Variants in UBA7 observed in about 807,000 individuals in gnomAD.
UBA7 encodes ubiquitin-like modifier-activating enzyme 7.
In UBA7, 88 loss-of-function variants were observed where a neutral mutation model predicts 113.0. The ratio of observed to expected loss-of-function variants is 0.78; its 90% CI spans 0.66 to 0.93. UBA7 has a LOEUF of 0.93. UBA7 is among the 40% of genes least tolerant of loss of function. UBA7 has a pLI of 0.00. For missense variants in UBA7, 1,092 were observed against 1,266.4 expected (o/e 0.86, Z 2.09); for synonymous variants, 459 against 513.0 (o/e 0.89, Z 1.42).
In UBA7 at chr3:49,813,342, C is replaced by G. The variant is rs2081580256; in HGVS notation, c.267G>C (p.Glu89Asp). The change falls in exon 3 of 24, where the codon GAG (glutamate) becomes GAC (aspartate). Residue 89 changes from glutamate (E) to aspartate (D), a missense_variant. Physicochemically the swap from Glu to Asp is conservative, Grantham distance 45. Transcript: ENST00000333486. ...GCTGAGCCAAGAGCTCTTGAGAGGC[C>G]TCGGCTCTGCTCCTTTCCAAGTCCT... is the stretch of plus-strand genomic sequence containing the variant. Reference protein sequence around the residue: ...SEQDLERSRAEASQELLAQLN... With the variant: ...SEQDLERSRADASQELLAQLN... 6.2e-7 allele frequency: 1 copy of G among 1,614,166 alleles called. No homozygotes were observed. Among genetic ancestry groups the G allele is most frequent in the African/African-American group, 1.3e-5 (1 of 75,076 alleles).
In UBA7 at chr3:49,808,082, C is replaced by T. The variant is rs1271306292; in HGVS notation, c.2461G>A (p.Val821Met). Reference sequence around the variant, plus strand: ...CATCTCAGGCTAGCTGCCGCTACCACAAAGTCCACATGGAAGTTGCTGTCA... The same window carrying T: ...CATCTCAGGCTAGCTGCCGCTACCATAAAGTCCACATGGAAGTTGCTGTCA... The part of the protein sequence containing the change: ...DDDSNFHVDF[V>M]VAAASLRCQN... The change falls in exon 20 of 24, where the codon GTG (valine) becomes ATG (methionine). Residue 821 changes from valine to methionine, a missense_variant. Transcript: ENST00000333486. The T allele has an allele frequency of 6.2e-7, 1 of 1,614,156 alleles. No homozygotes were observed. The highest frequency in any genetic ancestry group is 1.1e-5 in the South Asian group (1 of 91,066).
chr3:49,808,316 A>T, intron 19 of UBA7, 70 bp downstream of exon 19: 1 of 1,596,956 alleles, frequency 6.3e-7, no homozygotes. Context: ...CTCCAAAACT[A>T]CCTTATTAGC....
chr3:49,812,297 C>G (rs1297688664), intron 6 of UBA7, 91 bp from the exon 7 acceptor site: 2 of 1,610,082 alleles, frequency 1.2e-6, no homozygotes, highest in Non-Finnish European at 1.7e-6. Context: ...CCAGACCTTG[C>G]TGCACCTTGT....
chr3:49,809,287 C>A, intron 17 of UBA7, 103 bp downstream of exon 17: 1 of 1,539,624 alleles, frequency 6.5e-7, no homozygotes, highest in Non-Finnish European at 8.8e-7. Context: ...ACAAGCATGG[C>A]TCTCTCTGGG....
chr3:49,809,813 A>G lies in UBA7; in HGVS notation c.1904+2T>C. The G allele has an allele frequency of 6.2e-7, 1 of 1,614,048 alleles. No homozygotes were observed. Among genetic ancestry groups the G allele is most frequent in the Non-Finnish European group, 8.5e-7 (1 of 1,180,006 alleles). On this transcript the variant is annotated splice_donor_variant, in intron 15 of 23. Transcript: ENST00000333486. LOFTEE classifies it high-confidence loss of function. ...CCCATCTGCCTCTGTTGGTGGCCTT[A>G]CTGTTGGTGGTGGTTGATGGTCTCT...
intron 8 of UBA7, 73 bp from the exon 9 acceptor site, chr3:49,811,528 C>T (rs978448823): frequency 7.2e-6 from 11 of 1,530,190 alleles, no homozygotes; most frequent in South Asian, 1.2e-5. Flanking sequence ...TTCCAGCCAC[C>T]CTCCATCCAC....
In UBA7 at chr3:49,807,487, G is replaced by T. The variant is rs565915924; in HGVS notation, c.2715+249C>A. Reference sequence around the variant, plus strand: ...GTGGGGGATGTCTGGCTCCACTAATGAGTTAAAGCTGCAGCTCCCCCAGAT... The same window carrying T: ...GTGGGGGATGTCTGGCTCCACTAATTAGTTAAAGCTGCAGCTCCCCCAGAT... On this transcript the variant is annotated intron_variant, in intron 21 of 23. Transcript: ENST00000333486. This position sits in a 1 kb window ranked among gnomAD's most constrained non-coding sequence, Gnocchi z 4.0. Among the ~76,000 whole-genome samples, 1 of 152,336 alleles carries T rather than the reference G, an allele frequency of 6.6e-6. No individual in the cohort carries two copies. Among genetic ancestry groups the T allele is most frequent in the Non-Finnish European group, 1.5e-5 (1 of 68,032 alleles).
chr3:49,812,581 C>A, intron 5 of UBA7, 38 bp from the exon 6 acceptor site: 1 of 1,614,134 alleles, frequency 6.2e-7, no homozygotes, highest in Middle Eastern at 1.6e-4. Flanking sequence ...TTGCCTGGAC[C>A]TGCCTTCCAC....
At position 49,806,015 on chromosome 3, in the gene UBA7, G is replaced by GA; in HGVS notation, c.2809-19dup. ...TGCTGCTCCTAGAGGAGAAAGGTCA[G>GA]ACACCAGCTGGGCCGGGCTGGGCTG... is the stretch of plus-strand genomic sequence containing the variant. On this transcript the variant is annotated intron_variant, in intron 22 of 23. Transcript: ENST00000333486. 6.4e-7 allele frequency: 1 copy of GA among 1,567,016 alleles called. No homozygotes were observed. The highest frequency in any genetic ancestry group is 8.7e-7 in the Non-Finnish European group (1 of 1,155,726).
chr3:49,805,517 T>G, intron 23 of UBA7, 80 bp from the exon 24 acceptor site: 1 of 1,397,486 alleles, frequency 7.2e-7, no homozygotes, highest in Non-Finnish European at 1.0e-6. Flanking sequence ...CTAGAGAGGG[T>G]GCTGGCAGGC....
rs2081499037 is a variant in UBA7 at position 49,809,034 on chromosome 3, T to C, written c.2289A>G (p.Gln763=). The C allele has an allele frequency of 6.2e-7, 1 of 1,613,748 alleles. No homozygotes were observed. Among genetic ancestry groups the C allele is most frequent in the Admixed American group, 1.7e-5 (1 of 59,974 alleles). The change falls in exon 18 of 24, where the codon CAA becomes CAG. Residue 763 remains glutamine (Q), a synonymous_variant. Transcript: ENST00000333486. Reference sequence around the variant, plus strand: ...TACTAGCAAAGATGGGGGCCATCTGTTGGGGGTCAGGCTGTGGCAGCAGCT... The same window carrying C: ...TACTAGCAAAGATGGGGGCCATCTGCTGGGGGTCAGGCTGTGGCAGCAGCT... ...LLKLLPQPDP[Q]QMAPIFASNL...
chr3:49,812,585 C>T (rs553253917), intron 5 of UBA7, 42 bp from the exon 6 acceptor site: 1 of 1,614,122 alleles, frequency 6.2e-7, no homozygotes, highest in African/African-American at 1.3e-5. Context: ...CTGGACCTGC[C>T]TTCCACAGGC....
chr3:49,813,007 C>T, intron 4 of UBA7, 55 bp downstream of exon 4: 1 of 1,578,694 alleles, frequency 6.3e-7, no homozygotes, highest in Non-Finnish European at 8.6e-7. Context: ...CTGAGGACAG[C>T]ATGAGGCCAG....
At position 49,813,350 on chromosome 3, in the gene UBA7, T is replaced by C; in HGVS notation, c.259A>G (p.Arg87Gly). 1 of 1,614,146 alleles carries C rather than the reference T, an allele frequency of 6.2e-7. No homozygotes were observed. The highest frequency in any genetic ancestry group is 1.1e-5 in the South Asian group (1 of 91,074). The change falls in exon 3 of 24, where the codon AGA becomes GGA. Residue 87 changes from arginine to glycine, a missense_variant. Physicochemically the swap from Arg to Gly is moderately radical, Grantham distance 125. This residue lies in a region of UBA7 where 584 missense variants were observed against 714.5 expected (regional missense o/e 0.82). Coordinates refer to ENST00000333486, the MANE Select transcript of UBA7 (RefSeq NM_003335.3). ...LLSEQDLERS[R>G]AEASQELLAQ... ...AAGAGCTCTTGAGAGGCCTCGGCTC[T>C]GCTCCTTTCCAAGTCCTGCTCTGAG...
At chr3:49,812,626 AT>A in intron 5 of UBA7, 21 bp downstream of exon 5, 1 of 1,614,166 alleles carries the variant, frequency 6.2e-7, no homozygotes, top group South Asian at 1.1e-5. Flanking sequence ...CAGCAGGTGA[AT>A]GCCTACAGCT....
At chr3:49,805,669 A>C (rs2081436099) in intron 23 of UBA7, among the ~76,000 whole-genome samples, 2 of 152,148 alleles carry the variant, frequency 1.3e-5, no homozygotes, top group Admixed American at 6.5e-5. Context: ...GCTGTGCAGC[A>C]TGTGGGGAGC....
rs543386045 is a variant in UBA7 at position 49,807,307 on chromosome 3, C to T, written c.2715+429G>A. 6.6e-6 allele frequency among the ~76,000 whole-genome samples: 1 copy of T among 152,218 alleles called. No individual in the cohort carries two copies. The highest frequency in any genetic ancestry group is 1.5e-5 in the Non-Finnish European group (1 of 68,040). On this transcript the variant is annotated intron_variant, in intron 21 of 23. Transcript: ENST00000333486. The surrounding 1 kb of genome is among the most constrained non-coding windows in gnomAD (Gnocchi z 4.0). ...ACTCAGGGCTGCAGACCCCACACCT[C>T]TAGTGGCAAGCCTATTACCTTTTAA...
intron 17 of UBA7, 86 bp downstream of exon 17, chr3:49,809,304 T>G (rs1007329632): frequency 5.1e-6 from 8 of 1,555,266 alleles, no homozygotes; most frequent in African/African-American, 1.4e-5. Context: ...TGGGCATCTG[T>G]GCATCTCTGC....
At chr3:49,811,658 C>T in intron 8 of UBA7, 1 of 1,097,810 alleles carries the variant, frequency 9.1e-7, no homozygotes, top group East Asian at 2.6e-5. Context: ...CTTCACTAAT[C>T]TGAGTGCAGC....
Sources: gnomAD v4.1 joint callset for allele counts (sites outside exome capture counted in the v4.1 genomes callset) on GRCh38, gnomAD v4.1.1 for gene constraint, gnomAD v4.1.1 regional missense constraint, Gnocchi (gnomAD v3.1) non-coding constraint, MANE v1.5 for transcripts, NCBI Gene and HGNC (gene_info 2026-07-23, HGNC 2026-07-21) for gene names.